The following SLC12A1 variants were observed in gnomAD, a reference collection of about 807,000 sequenced individuals.
The protein encoded by SLC12A1 is Na-K-2Cl cotransporter.
In SLC12A1, 89 loss-of-function variants were observed where a neutral mutation model predicts 130.4. The ratio of observed to expected loss-of-function variants is 0.68; its 90% confidence interval spans 0.58 to 0.81. SLC12A1 has a LOEUF of 0.81. Ranked by LOEUF, SLC12A1 falls within the 40% of genes least tolerant of loss-of-function variation. The pLI is 0.00. For missense variants in SLC12A1, 1,310 were observed against 1,336.4 expected (o/e 0.98, Z 0.31); for synonymous variants, 499 against 460.0 (o/e 1.08, Z -1.09).
intron 5 of SLC12A1, 140 bp downstream of exon 5, chr15:48,226,711 A>C (rs1054887488): frequency 3.0e-6 from 2 of 668,556 alleles, no homozygotes; most frequent in African/African-American, 3.7e-5. Context: ...GATGCCAAAG[A>C]AAACCTAAGG....
chr15:48,255,763 A>T lies in SLC12A1; in HGVS notation c.1943-48A>T, dbSNP rs748335595. The T allele has an allele frequency of 1.0e-5, 12 of 1,157,458 alleles. No individual in the cohort carries two copies. The Admixed American group carries it at 2.2e-4, about 21-fold the overall frequency. The allele number at this position is 1,157,458 out of a possible 1,614,324, so 71.7% of individuals were successfully genotyped here. On this transcript the variant is annotated intron_variant, in intron 15 of 26. Transcript: ENST00000380993. ...ACTTGTAAAATTATTCATGGTGCAC[A>T]GAGGAAAGGTCAGTGTTTTTTATGC...
Position 48,220,665 on chromosome 15 carries a change from G to A in SLC12A1, c.452G>A (p.Arg151Lys). Reference sequence around the variant, plus strand: ...GCAGTCACCCCAAGTTCAGCTGACAGAGTTGCTAACGGTGATGGGATACCT... The same window carrying A: ...GCAGTCACCCCAAGTTCAGCTGACAAAGTTGCTAACGGTGATGGGATACCT... Reference protein sequence around the residue: ...NVAVTPSSADRVANGDGIPGD... With the variant: ...NVAVTPSSADKVANGDGIPGD... The change falls in exon 3 of 27, where the codon AGA becomes AAA. Residue 151 changes from arginine (R) to lysine (K), a missense_variant. Transcript: ENST00000380993. 6.2e-7 allele frequency: 1 copy of A among 1,613,664 alleles called. No individual in the cohort carries two copies. The highest frequency in any genetic ancestry group is 8.5e-7 in the Non-Finnish European group (1 of 1,179,724).
intron 2 of SLC12A1, among the ~76,000 whole-genome samples, chr15:48,211,537 CA>C (rs141228044): frequency 6.6e-6 from 1 of 151,908 alleles, no homozygotes; most frequent in Non-Finnish European, 1.5e-5. Context: ...ATTTTGTATG[CA>C]AAAAATATAA....
intron 7 of SLC12A1, among the ~76,000 whole-genome samples, chr15:48,231,498 C>T (rs1469251310): frequency 1.3e-5 from 2 of 152,084 alleles, no homozygotes; most frequent in Non-Finnish European, 2.9e-5. Flanking sequence ...AGCTCCAGCT[C>T]TGTAGTTAGA....
At chr15:48,240,072 CAT>C (rs1431987341) in intron 9 of SLC12A1, among the ~76,000 whole-genome samples, 12,781 of 51,990 alleles carry the variant, frequency 0.25, 1,826 homozygotes, top group African/African-American at 0.33. Context: ...TATATATATC[CAT>C]ATATATATAT....
chr15:48,237,062 T>A (rs2141042841), intron 9 of SLC12A1: 1 of 701,848 alleles, frequency 1.4e-6, no homozygotes, highest in Middle Eastern at 2.3e-4. Flanking sequence ...TTCCCTTATA[T>A]GAATTAGAAC....
At position 48,207,567 on chromosome 15, in the gene SLC12A1, C is replaced by A; in HGVS notation, c.-153C>A. 2 of 519,446 alleles carry A rather than the reference C, an allele frequency of 3.9e-6. No individual in the cohort carries two copies. The highest frequency in any genetic ancestry group is 6.5e-6 in the Non-Finnish European group (2 of 310,020). The allele number at this position is 519,446 out of a possible 1,614,324, so 32.2% of individuals were successfully genotyped here. ...AACATCCTGAAGATTATATCGGAGA[C>A]AATATATCAAGAATCTATTTATTGA... On this transcript the variant is annotated 5_prime_UTR_variant, in exon 2 of 27. Transcript: ENST00000380993.
rs372199752 is a variant in SLC12A1, at chr15:48,219,898, CA to C, written c.421-730del. On this transcript the variant is annotated intron_variant, in intron 2 of 26. Coordinates refer to ENST00000380993, the MANE Select transcript of SLC12A1 (RefSeq NM_000338.3). ...CAAAAGTCTGTCTCTACAAAAAATA[CA>C]AAAAATTAGCTGGGTGTGGTGGTGC... 1.7e-3 allele frequency among the ~76,000 whole-genome samples: 254 copies of C among 151,722 alleles called. 8 individuals carry two copies. In the South Asian group the frequency reaches 0.04, roughly 24 times the overall value.
Position 48,268,470 on chromosome 15 carries a change from T to C in SLC12A1, c.2295+769T>C, listed in dbSNP as rs548269002. On this transcript the variant is annotated intron_variant, in intron 18 of 26. Coordinates refer to ENST00000380993, the MANE Select transcript of SLC12A1 (RefSeq NM_000338.3). ...TGGTGCATTTGGCTTTCAGAGTTAC[T>C]GTATTTCAGAGTGTCAGAAGTCAGA... Among the ~76,000 whole-genome samples, 34 of 152,306 alleles carry C rather than the reference T, an allele frequency of 2.2e-4. 1 individual carries two copies. In the South Asian group the frequency reaches 5.6e-3, roughly 25 times the overall value.
chr15:48,218,830 C>T (rs184186365), intron 2 of SLC12A1, among the ~76,000 whole-genome samples: 5 of 152,206 alleles, frequency 3.3e-5, no homozygotes, highest in East Asian at 1.9e-4. Flanking sequence ...ACACAAAGGG[C>T]CTGGTAAAAG....
At chr15:48,208,268 CT>C (rs1403225408) in intron 2 of SLC12A1, 129 bp downstream of exon 2, 13 of 901,260 alleles carry the variant, frequency 1.4e-5, no homozygotes, top group Non-Finnish European at 2.1e-5. Context: ...CACTATCCAT[CT>C]TACTTACAAA....
At chr15:48,279,581 G>T (rs573120076) in intron 20 of SLC12A1, among the ~76,000 whole-genome samples, 44 of 152,290 alleles carry the variant, frequency 2.9e-4, no homozygotes, top group African/African-American at 1.1e-3. Flanking sequence ...ACTGATGACT[G>T]ATAGTTTCTC....
intron 2 of SLC12A1, among the ~76,000 whole-genome samples, 173 bp downstream of exon 2, chr15:48,208,312 G>C (rs1368031508): frequency 6.6e-6 from 1 of 152,036 alleles, no homozygotes; most frequent in African/African-American, 2.4e-5. Context: ...GTGTTTCACA[G>C]ATGCTTTTTC....
At chr15:48,279,046 A>G (rs980062986) in intron 20 of SLC12A1, among the ~76,000 whole-genome samples, 2 of 152,246 alleles carry the variant, frequency 1.3e-5, no homozygotes, top group African/African-American at 4.8e-5. Context: ...TGCTAATAAA[A>G]TAATTACAAG....
Position 48,255,933 on chromosome 15 carries a change from C to T in SLC12A1, c.2042+23C>T, listed in dbSNP as rs1251014039. 8.1e-6 allele frequency: 12 copies of T among 1,477,378 alleles called. No individual in the cohort carries two copies. In the South Asian group the frequency reaches 1.4e-4, roughly 18 times the overall value. The allele number at this position is 1,477,378 out of a possible 1,614,324, so 91.5% of individuals were successfully genotyped here. ...CAGGTAAAGCTGGTGTCTCAGGCATCCTGGTGTTTTTCCACCCTAGAAGTG... is the reference window on the plus strand; with the variant it reads ...CAGGTAAAGCTGGTGTCTCAGGCATTCTGGTGTTTTTCCACCCTAGAAGTG... On this transcript the variant is annotated intron_variant, in intron 16 of 26. Transcript: ENST00000380993.
At chr15:48,294,976 A>G (rs2042161613) in intron 24 of SLC12A1, among the ~76,000 whole-genome samples, 1 of 151,008 alleles carries the variant, frequency 6.6e-6, no homozygotes, top group South Asian at 2.1e-4. Context: ...AGGTGGTACA[A>G]TCATAGCTCA....
At chr15:48,291,922 G>GT (rs2042125983) in intron 24 of SLC12A1, 58 bp downstream of exon 24, 1 of 1,086,988 alleles carries the variant, frequency 9.2e-7, no homozygotes, top group Non-Finnish European at 1.4e-6. Context: ...ATTCTCTTTT[G>GT]TGTTGATTAT....
chr15:48,301,236 T>C (rs1205818218), intron 25 of SLC12A1, 79 bp from the exon 26 acceptor site: 2 of 958,160 alleles, frequency 2.1e-6, no homozygotes, highest in Non-Finnish European at 3.3e-6. Context: ...ATTTTCTGCT[T>C]GTTCATGATT....
chr15:48,302,719 T>C (rs531538795), intron 26 of SLC12A1, 31 bp from the exon 27 acceptor site: 2 of 1,575,936 alleles, frequency 1.3e-6, no homozygotes, highest in South Asian at 2.4e-5. Context: ...ATTTTCACTT[T>C]CATTTTTAAA....
Sources: gnomAD v4.1 joint callset for allele counts (sites outside exome capture counted in the v4.1 genomes callset) on GRCh38, gnomAD v4.1.1 for gene constraint, MANE v1.5 for transcripts, NCBI Gene and HGNC (gene_info 2026-07-23, HGNC 2026-07-21) for gene names.